Variants in PRTG observed in about 807,000 individuals in gnomAD.
PRTG encodes protogenin, also known as immunoglobulin superfamily, DCC subclass, member 5.
In PRTG, 67 loss-of-function variants were observed where a neutral mutation model predicts 122.5. The ratio of observed to expected loss-of-function variants is 0.55; its 90% CI spans 0.45 to 0.67. The LOEUF is 0.67. Ranked by LOEUF, PRTG falls within the 30% of genes least tolerant of loss-of-function variation. The probability of loss-of-function intolerance (pLI) is 0.00; values close to 1 mark genes in which losing one functional copy is unlikely to be tolerated. For missense variants in PRTG, 1,435 were observed against 1,415.4 expected, an observed-to-expected ratio of 1.01 and a Z score of -0.22; for synonymous variants, 554 against 501.1, an observed-to-expected ratio of 1.11 and a Z score of -1.41.
chr15:55,721,229 A>T (rs1432963034), intron 2 of PRTG, among the ~76,000 whole-genome samples: 1 of 152,152 alleles, frequency 6.6e-6, no homozygotes, highest in Non-Finnish European at 1.5e-5. Flanking sequence ...CCAAGCCCTT[A>T]TGAGTTCTCA....
intron 2 of PRTG, among the ~76,000 whole-genome samples, chr15:55,699,012 C>A (rs2059647495): frequency 6.6e-6 from 1 of 152,170 alleles, no homozygotes; most frequent in African/African-American, 2.4e-5. Flanking sequence ...TCAGCAACTG[C>A]TGCCATTCCT....
rs962991112 is a variant in PRTG at position 55,680,759 on chromosome 15, T to A, written c.677-131A>T. 5 of 498,130 alleles carry A rather than the reference T, an allele frequency of 1.0e-5. No individual in the cohort carries two copies. The Admixed American group carries it at 1.6e-4, about 16-fold the overall frequency. 30.9% of individuals were successfully genotyped at this position (498,130 alleles called of 1,614,324 possible). A position where few individuals can be genotyped will look rare whatever the true frequency, so the allele number is the denominator to read the frequency against. On this transcript the variant is annotated intron_variant, in intron 4 of 19. Coordinates refer to ENST00000389286, the MANE Select transcript of PRTG (RefSeq NM_173814.6). ...CAACTTTATTGAGATATAACTCACA[T>A]ACCATCCAATTCACCCATCTGAAGT...
At chr15:55,701,274 C>A (rs921072010) in intron 2 of PRTG, among the ~76,000 whole-genome samples, 1 of 152,106 alleles carries the variant, frequency 6.6e-6, no homozygotes, top group South Asian at 2.1e-4. Flanking sequence ...CGGTGGCTCA[C>A]GCCTGTAATC....
chr15:55,639,679 C>T lies in PRTG; in HGVS notation c.2287G>A (p.Gly763Ser), dbSNP rs1227010983. The T allele has an allele frequency of 1.3e-5, 21 of 1,614,040 alleles. No individual in the cohort carries two copies. Among genetic ancestry groups the T allele is most frequent in the Non-Finnish European group, 1.7e-5 (20 of 1,180,008 alleles). ...AGAACCAAAGAAGCATTCTGCAGGCCAACAGGATTACAGCGGATGGTGTAG... is the reference window on the plus strand; with the variant it reads ...AGAACCAAAGAAGCATTCTGCAGGCTAACAGGATTACAGCGGATGGTGTAG... ...INYTIRCNPV[G>S]LQNASLVLYL... is the part of the protein sequence containing the mutation. Residue 763 changes from glycine to serine, a missense_variant, in exon 13 of 20, where the codon GGC becomes AGC. Gly to Ser is a moderately conservative substitution (Grantham distance 56, BLOSUM62 0). Coordinates refer to ENST00000389286, the MANE Select transcript of PRTG (RefSeq NM_173814.6).
chr15:55,735,961 T>C (rs1325692983), intron 2 of PRTG, among the ~76,000 whole-genome samples: 1 of 152,200 alleles, frequency 6.6e-6, no homozygotes, highest in Non-Finnish European at 1.5e-5. Flanking sequence ...TTCACTTGAC[T>C]TATGTAATAT....
intron 11 of PRTG, among the ~76,000 whole-genome samples, chr15:55,645,747 C>G (rs1156890391): frequency 1.3e-5 from 2 of 152,046 alleles, no homozygotes; most frequent in African/African-American, 4.8e-5. Context: ...CCACAGGGAA[C>G]CAGTCCCAAG....
Position 55,743,032 on chromosome 15 carries a change from G to A in PRTG, c.-101C>T. On this transcript the variant is annotated 5_prime_UTR_variant, in exon 1 of 20. Transcript: ENST00000389286. ...TCTGCTCTGCGGCTGGTCGCACGCAGCCTGGCTCCCCGCTCCGGCTCCGGC... is the reference window on the plus strand; with the variant it reads ...TCTGCTCTGCGGCTGGTCGCACGCAACCTGGCTCCCCGCTCCGGCTCCGGC... 7.6e-7 allele frequency: 1 copy of A among 1,319,348 alleles called. No individual in the cohort carries two copies. Among genetic ancestry groups the A allele is most frequent in the South Asian group, 2.1e-5 (1 of 46,800 alleles). 81.7% of individuals were successfully genotyped at this position (1,319,348 alleles called of 1,614,324 possible). A position where few individuals can be genotyped will look rare whatever the true frequency, so the allele number is the denominator to read the frequency against.
chr15:55,624,289 CAG>C, intron 18 of PRTG, 51 bp downstream of exon 18: 2 of 1,543,018 alleles, frequency 1.3e-6, no homozygotes, highest in Non-Finnish European at 1.8e-6. Flanking sequence ...TTTACACACA[CAG>C]GGAGGAGGAA....
chr15:55,688,119 A>G (rs2059580290), intron 2 of PRTG, among the ~76,000 whole-genome samples: 1 of 152,244 alleles, frequency 6.6e-6, no homozygotes, highest in South Asian at 2.1e-4. Flanking sequence ...TCCGTCTAGC[A>G]GCTATCTGCT....
chr15:55,735,179 T>C (rs1424024816), intron 2 of PRTG, among the ~76,000 whole-genome samples: 1 of 152,128 alleles, frequency 6.6e-6, no homozygotes, highest in Non-Finnish European at 1.5e-5. Context: ...TTTTAAAACA[T>C]CTCAATAATC....
chr15:55,727,624 C>T (rs938303548), intron 2 of PRTG, among the ~76,000 whole-genome samples: 3 of 151,966 alleles, frequency 2.0e-5, no homozygotes, highest in Non-Finnish European at 2.9e-5. Context: ...GGTGAAACCC[C>T]GTCTCTACTA....
At chr15:55,705,845 C>G (rs2030084356) in intron 2 of PRTG, among the ~76,000 whole-genome samples, 1 of 144,086 alleles carries the variant, frequency 6.9e-6, no homozygotes, top group Non-Finnish European at 1.5e-5. Context: ...AATAAATCTA[C>G]TTGCTATTCT....
At chr15:55,667,783 A>G (rs2059447062) in intron 11 of PRTG, among the ~76,000 whole-genome samples, 2 of 152,164 alleles carry the variant, frequency 1.3e-5, no homozygotes, top group Admixed American at 1.3e-4. Context: ...TTATTTTGTG[A>G]CTGCTGGACA....
intron 11 of PRTG, among the ~76,000 whole-genome samples, chr15:55,650,398 G>T (rs2059347139): frequency 6.6e-6 from 1 of 152,178 alleles, no homozygotes. Context: ...AGCAGAACTT[G>T]ACCCTACAAG....
rs2031671129 is a variant in PRTG, at chr15:55,743,042, C to G, written c.-111G>C. 3 of 1,311,652 alleles carry G rather than the reference C, an allele frequency of 2.3e-6. No individual in the cohort carries two copies. The highest frequency in any genetic ancestry group is 9.7e-7 in the Non-Finnish European group (1 of 1,034,618). The allele number at this position is 1,311,652 out of a possible 1,614,324, so 81.3% of individuals were successfully genotyped here. A position where few individuals can be genotyped will look rare whatever the true frequency, so the allele number is the denominator to read the frequency against. On this transcript the variant is annotated 5_prime_UTR_variant, in exon 1 of 20. Coordinates refer to ENST00000389286, the MANE Select transcript of PRTG (RefSeq NM_173814.6). Reference sequence around the variant, plus strand: ...GGCTGGTCGCACGCAGCCTGGCTCCCCGCTCCGGCTCCGGCACCGGCGTGG... The same window carrying G: ...GGCTGGTCGCACGCAGCCTGGCTCCGCGCTCCGGCTCCGGCACCGGCGTGG...
At chr15:55,654,210 G>A (rs1338344708) in intron 11 of PRTG, among the ~76,000 whole-genome samples, 1 of 152,188 alleles carries the variant, frequency 6.6e-6, no homozygotes, top group Admixed American at 6.5e-5. Context: ...TCTCTCCACT[G>A]CACTACCAAT....
intron 16 of PRTG, among the ~76,000 whole-genome samples, chr15:55,628,221 C>T (rs896470070): frequency 3.9e-5 from 6 of 152,144 alleles, no homozygotes; most frequent in African/African-American, 1.4e-4. Flanking sequence ...AGCAGCCCCT[C>T]TTCTCCACAA....
intron 4 of PRTG, 99 bp downstream of exon 4, chr15:55,682,265 G>T: frequency 9.8e-7 from 1 of 1,017,600 alleles, no homozygotes; most frequent in Non-Finnish European, 1.3e-6. Flanking sequence ...TAATTTAAAT[G>T]AAATTCTACT....
At chr15:55,646,281 G>A (rs919480349) in intron 11 of PRTG, among the ~76,000 whole-genome samples, 11 of 149,994 alleles carry the variant, frequency 7.3e-5, no homozygotes, top group East Asian at 4.0e-4. Context: ...CAAAGTGCCC[G>A]GATTACAGGC....
Sources: gnomAD v4.1 joint callset for allele counts (sites outside exome capture counted in the v4.1 genomes callset) on GRCh38, gnomAD v4.1.1 for gene constraint, MANE v1.5 for transcripts, NCBI Gene and HGNC (gene_info 2026-07-23, HGNC 2026-07-21) for gene names.